DYM: variants seen among roughly 807,000 people sequenced by gnomAD.
DYM encodes the protein dymeclin.
DYM carries 78 observed loss-of-function variants against 93.1 expected under a neutral mutation model. The observed-to-expected ratio is 0.84, with a 90% CI of 0.70 to 1.01. DYM has a LOEUF of 1.01. Among genes scored for constraint, DYM ranks in the 50% least tolerant of loss-of-function variants. DYM has a pLI of 0.00. For missense variants in DYM, 789 were observed against 845.0 expected, an observed-to-expected ratio of 0.93 and a Z score of 0.82; for synonymous variants, 321 against 319.7, an observed-to-expected ratio of 1.00 and a Z score of -0.04.
intron 8 of DYM, among the ~76,000 whole-genome samples, chr18:49,328,663 C>G (rs2146754573): frequency 6.6e-6 from 1 of 151,942 alleles, no homozygotes; most frequent in Admixed American, 6.5e-5. Flanking sequence ...ATTTATGCAG[C>G]CAACAGACAC....
Position 49,257,012 on chromosome 18 carries a change from G to C in DYM, c.1458C>G (p.Ile486Met), listed in dbSNP as rs1419961562. Residue 486 changes from isoleucine to methionine, a missense_variant and splice_region_variant, in exon 13 of 18, where the codon ATC becomes ATG. Around this residue, in one of 3 missense-constraint regions of DYM, gnomAD observed 225 missense variants for 303.0 expected, o/e 0.74. Coordinates refer to ENST00000675505, the MANE Select transcript of DYM (RefSeq NM_001353214.3). ...TTTCTTTTAAAGTTCATATTTACCT[G>C]ATGATCCTCTGGGCAGCATACTGAT... ...SLHQYAAQRI[I>M]SYTCRHLRRY... The C allele has an allele frequency of 6.2e-7, 1 of 1,611,604 alleles. No homozygotes were observed. The highest frequency in any genetic ancestry group is 1.1e-5 in the South Asian group (1 of 91,024).
intron 17 of DYM, among the ~76,000 whole-genome samples, chr18:49,090,299 C>T (rs2078927770): frequency 6.6e-6 from 1 of 152,206 alleles, no homozygotes; most frequent in African/African-American, 2.4e-5. Context: ...AATGTCATCT[C>T]TCCTTTGAGG....
In DYM at chr18:49,067,044, C is replaced by G. The variant is rs143150775; in HGVS notation, c.2026-22840G>C. ...AATATAGTTAAGATCTTACCAGAAG[C>G]AGCATATACTAAACAGCTAATAAAT... On this transcript the variant is annotated intron_variant, in intron 17 of 17. Coordinates refer to ENST00000675505, the MANE Select transcript of DYM (RefSeq NM_001353214.3). Among the ~76,000 whole-genome samples, 4 of 150,410 alleles carry G rather than the reference C, an allele frequency of 2.7e-5. No individual in the cohort carries two copies. The East Asian group carries it at 7.8e-4, about 29-fold the overall frequency.
chr18:49,200,175 C>A (rs1255873053), intron 14 of DYM, among the ~76,000 whole-genome samples: 1 of 151,800 alleles, frequency 6.6e-6, no homozygotes, highest in Admixed American at 6.6e-5. Context: ...CAAAGACATA[C>A]ATGTAACTTA....
chr18:49,280,081 T>C (rs538666626), intron 10 of DYM, among the ~76,000 whole-genome samples: 4 of 152,354 alleles, frequency 2.6e-5, no homozygotes, highest in South Asian at 2.1e-4. Flanking sequence ...CACATTTTTA[T>C]GAATGTATTA....
rs117980578 is a variant in DYM at position 49,336,546 on chromosome 18, T to C, written c.495-2693A>G. On this transcript the variant is annotated intron_variant, in intron 6 of 17. Transcript: ENST00000675505. ...CTAAAAACCCATTTCCCCAAATTCC[T>C]AAACAGAACCATGTGTGTCTTCCGT... is the stretch of plus-strand genomic sequence containing the variant. Among the ~76,000 whole-genome samples the C allele has an allele frequency of 2.3e-3, 349 of 152,334 alleles. 1 individual carries two copies. Among genetic ancestry groups the C allele is most frequent in the Non-Finnish European group, 3.8e-3 (257 of 68,030 alleles).
chr18:49,392,721 G>A (rs76510839), intron 2 of DYM, among the ~76,000 whole-genome samples: 11,258 of 138,956 alleles, frequency 0.081, 678 homozygotes, highest in East Asian at 0.3. Context: ...GAGGCCAGGC[G>A]AGGTGGGCTC....
Position 49,401,841 on chromosome 18 carries a change from C to T in DYM, c.141-10196G>A, listed in dbSNP as rs12965295. ...AGGAGTTCAAGACCAGCCTGGCCAA[C>T]GTGGCAAAACCCCATCTCTACTAAA... On this transcript the variant is annotated intron_variant, in intron 2 of 17. Coordinates refer to ENST00000675505, the MANE Select transcript of DYM (RefSeq NM_001353214.3). 5.4e-3 allele frequency among the ~76,000 whole-genome samples: 817 copies of T among 152,050 alleles called. 2 individuals are homozygous for T. The highest frequency in any genetic ancestry group is 9.0e-3 in the Non-Finnish European group (612 of 67,998).
intron 11 of DYM, among the ~76,000 whole-genome samples, chr18:49,267,734 T>C (rs943702446): frequency 1.3e-4 from 20 of 151,922 alleles, no homozygotes; most frequent in Non-Finnish European, 2.5e-4. Flanking sequence ...CTATCTCTAA[T>C]AAAAAATACA....
intron 11 of DYM, among the ~76,000 whole-genome samples, chr18:49,266,453 G>A (rs1396275259): frequency 2.0e-5 from 3 of 152,036 alleles, no homozygotes; most frequent in Admixed American, 6.5e-5. Context: ...CATCTCCACA[G>A]AACAAAAATT....
At chr18:49,071,421 A>G (rs1004567594) in intron 17 of DYM, among the ~76,000 whole-genome samples, 1 of 152,238 alleles carries the variant, frequency 6.6e-6, no homozygotes, top group Non-Finnish European at 1.5e-5. Flanking sequence ...ATACAATTGA[A>G]ACCACGGACA....
In DYM at chr18:49,321,267, G is replaced by T. The variant is rs1373829140; in HGVS notation, c.763+10597C>A. On this transcript the variant is annotated intron_variant, in intron 8 of 17. Transcript: ENST00000675505. ...AGCAAGTCTCAGAAACTTATCCCAG[G>T]ATTTCATCTGCAATTGATTGCTTTA... is the stretch of plus-strand genomic sequence containing the variant. 9 of 397,428 alleles carry T rather than the reference G, an allele frequency of 2.3e-5. No homozygotes were observed. In the East Asian group the frequency reaches 3.2e-4, roughly 14 times the overall value. 24.6% of individuals were successfully genotyped at this position (397,428 alleles called of 1,614,324 possible).
At chr18:49,161,421 C>T (rs2087115045) in intron 15 of DYM, among the ~76,000 whole-genome samples, 1 of 152,142 alleles carries the variant, frequency 6.6e-6, no homozygotes, top group African/African-American at 2.4e-5. Context: ...ACATATTCAA[C>T]ACATTTTTGT....
chr18:49,348,799 C>T (rs1258767909), intron 6 of DYM, among the ~76,000 whole-genome samples: 2 of 151,102 alleles, frequency 1.3e-5, no homozygotes, highest in African/African-American at 2.4e-5. Flanking sequence ...ATCCCAGCTA[C>T]TCGGGAGGCT....
intron 11 of DYM, among the ~76,000 whole-genome samples, chr18:49,269,124 T>TA (rs2094625252): frequency 6.6e-6 from 1 of 151,920 alleles, no homozygotes; most frequent in Non-Finnish European, 1.5e-5. Flanking sequence ...ACAATCCCAT[T>TA]AAAAAATGGG....
intron 6 of DYM, among the ~76,000 whole-genome samples, chr18:49,357,699 G>A (rs2065684840): frequency 6.6e-6 from 1 of 152,208 alleles, no homozygotes; most frequent in Non-Finnish European, 1.5e-5. Flanking sequence ...AGTCTACCAT[G>A]TGCCAAGCTA....
At chr18:49,320,949 G>A (rs528917568) in intron 8 of DYM, among the ~76,000 whole-genome samples, 57 of 152,180 alleles carry the variant, frequency 3.7e-4, no homozygotes, top group African/African-American at 1.3e-3. Context: ...GAGTAACCTT[G>A]AATAAATTTA....
At chr18:49,044,996 GGC>G (rs775879349) in intron 17 of DYM, among the ~76,000 whole-genome samples, 22 of 152,242 alleles carry the variant, frequency 1.4e-4, no homozygotes, top group Non-Finnish European at 2.9e-4. Flanking sequence ...TTTTATTCCT[GGC>G]CTATTTATTC....
intron 8 of DYM, among the ~76,000 whole-genome samples, chr18:49,302,733 A>G (rs528790160): frequency 6.6e-6 from 1 of 151,976 alleles, no homozygotes; most frequent in African/African-American, 2.4e-5. Flanking sequence ...ACCCAATTTT[A>G]CCCATAAAGA....
Sources: allele counts gnomAD v4.1 joint callset (sites outside exome capture counted in the v4.1 genomes callset), GRCh38; gene constraint gnomAD v4.1.1; regional missense constraint gnomAD v4.1.1; transcripts MANE v1.5; gene names NCBI Gene and HGNC (gene_info 2026-07-23, HGNC 2026-07-21).